TULP4: variants seen among roughly 807,000 people sequenced by gnomAD.
TULP4 encodes tubby-related protein 4.
In TULP4, 16 loss-of-function variants were observed where a neutral mutation model predicts 129.0. The ratio of observed to expected loss-of-function variants is 0.12; its 90% CI spans 0.08 to 0.19. The LOEUF (loss-of-function observed/expected upper bound fraction) is 0.19. TULP4 is among the 10% of genes least tolerant of loss of function. The pLI is 1.00. For missense variants in TULP4, 1,842 were observed against 2,059.1 expected (o/e 0.89, Z 2.04); for synonymous variants, 998 against 854.0 (o/e 1.17, Z -2.94).
At chr6:158,483,972 G>T (rs1286397705) in intron 8 of TULP4, among the ~76,000 whole-genome samples, 2 of 150,436 alleles carry the variant, frequency 1.3e-5, no homozygotes, top group Admixed American at 6.6e-5. Flanking sequence ...AGGCTGGAGT[G>T]CAGTAGTACA....
intron 1 of TULP4, among the ~76,000 whole-genome samples, chr6:158,245,397 A>C (rs900236496): frequency 1.3e-5 from 2 of 151,448 alleles, no homozygotes; most frequent in African/African-American, 4.9e-5. Flanking sequence ...TGCTGATCTT[A>C]TTATTTGGGC....
chr6:158,382,912 A>C (rs986441045), intron 1 of TULP4, among the ~76,000 whole-genome samples: 2 of 152,244 alleles, frequency 1.3e-5, no homozygotes, highest in Admixed American at 6.5e-5. Flanking sequence ...AACTGAGTCA[A>C]ATATCATAAT....
intron 1 of TULP4, chr6:158,241,755 C>T (rs1168002825): frequency 7.0e-6 from 3 of 429,720 alleles, no homozygotes; most frequent in Non-Finnish European, 1.3e-5. Flanking sequence ...CCATCACGCC[C>T]AGCTAATTTT....
In TULP4 at chr6:158,331,454, G is replaced by A. The variant is rs141962691; in HGVS notation, c.252+17186G>A. 5.3e-5 allele frequency among the ~76,000 whole-genome samples: 8 copies of A among 151,990 alleles called. No homozygotes were observed. In the East Asian group the frequency reaches 7.8e-4, roughly 15 times the overall value. The stretch of plus-strand genomic sequence containing the variant: ...AGCAGGAGCCCCTTTAGGTTGGCTC[G>A]TGTCCTTTTGGTGCACCCCAGTCAC... On this transcript the variant is annotated intron_variant, in intron 1 of 13. Coordinates refer to ENST00000367097, the MANE Select transcript of TULP4 (RefSeq NM_020245.5).
chr6:158,463,311 CCTTT>C (rs928489782), intron 6 of TULP4, among the ~76,000 whole-genome samples: 17 of 152,042 alleles, frequency 1.1e-4, no homozygotes, highest in Non-Finnish European at 1.5e-4. Flanking sequence ...AGATGGGCCC[CCTTT>C]CTATTTGTTT....
At chr6:158,341,230 C>T (rs941741774) in intron 1 of TULP4, among the ~76,000 whole-genome samples, 4 of 152,090 alleles carry the variant, frequency 2.6e-5, no homozygotes, top group African/African-American at 9.7e-5. Flanking sequence ...AACATAATGT[C>T]CTCCAGTTCC....
upstream of TULP4, chr6:158,312,452 G>A (rs1055375405): frequency 4.4e-6 from 1 of 227,116 alleles, no homozygotes; most frequent in Non-Finnish European, 8.5e-6. Flanking sequence ...GACTGAGAAA[G>A]AAGTGTGATT....
At chr6:158,464,240 A>C (rs1277492811) in intron 6 of TULP4, among the ~76,000 whole-genome samples, 1 of 152,200 alleles carries the variant, frequency 6.6e-6, no homozygotes, top group Non-Finnish European at 1.5e-5. Context: ...GGGAGACAGA[A>C]GTTACAGACA....
At chr6:158,253,210 A>C (rs1268758308) in intron 1 of TULP4, among the ~76,000 whole-genome samples, 1 of 152,212 alleles carries the variant, frequency 6.6e-6, no homozygotes. Flanking sequence ...GCTGATTTTT[A>C]AGTCTAGGAG....
chr6:158,480,798 G>T (rs1779924535), intron 7 of TULP4, among the ~76,000 whole-genome samples: 5 of 152,076 alleles, frequency 3.3e-5, no homozygotes, highest in South Asian at 2.1e-4. Context: ...GGCTGCCCCT[G>T]TGGATCCTGA....
intron 1 of TULP4, among the ~76,000 whole-genome samples, chr6:158,407,362 T>C (rs1202203734): frequency 6.6e-6 from 1 of 152,198 alleles, no homozygotes; most frequent in Non-Finnish European, 1.5e-5. Context: ...AGACAGGCAA[T>C]AGCAAGTATT....
chr6:158,238,898 A>G (rs1777782200), intron 1 of TULP4, among the ~76,000 whole-genome samples: 1 of 108,006 alleles, frequency 9.3e-6, no homozygotes, highest in African/African-American at 3.1e-5. Context: ...TCTATTCCAC[A>G]AAGCCGCCAT....
At chr6:158,391,928 G>C (rs1388688156) in intron 1 of TULP4, among the ~76,000 whole-genome samples, 2 of 152,160 alleles carry the variant, frequency 1.3e-5, no homozygotes, top group African/African-American at 4.8e-5. Flanking sequence ...TTAGTGCCTG[G>C]AATGTGGCAG....
In TULP4 at chr6:158,449,017, G is replaced by A. The variant is rs1330081267; in HGVS notation, c.565G>A (p.Gly189Arg). ...DQQVLFGTAD[G>R]QVIVMDCHGR... ...GCAGGTGCTGTTTGGCACGGCCGAT[G>A]GGCAGGTGATTGTCATGGATTGCCA... The change falls in exon 4 of 14, where the codon GGG becomes AGG. Residue 189 changes from glycine (G) to arginine (R), a missense_variant. Gly to Arg is a moderately radical substitution (Grantham distance 125). Around this residue, in one of 5 missense-constraint regions of TULP4, gnomAD observed 151 missense variants for 268.7 expected, o/e 0.56. Coordinates refer to ENST00000367097, the MANE Select transcript of TULP4 (RefSeq NM_020245.5). 1 of 1,612,778 alleles carries A rather than the reference G, an allele frequency of 6.2e-7. No homozygotes were observed. The highest frequency in any genetic ancestry group is 1.1e-5 in the South Asian group (1 of 90,868).
chr6:158,278,941 G>GTT (rs35915892), upstream of TULP4, among the ~76,000 whole-genome samples: 1 of 123,418 alleles, frequency 8.1e-6, no homozygotes, highest in East Asian at 2.2e-4. Context: ...GTTTTTTTTT[G>GTT]TTTTTTTTTT....
intron 1 of TULP4, among the ~76,000 whole-genome samples, chr6:158,375,937 T>C (rs1339713911): frequency 6.6e-6 from 1 of 152,170 alleles, no homozygotes; most frequent in East Asian, 1.9e-4. Context: ...TTGATGGAAG[T>C]GAGGAGACAG....
At chr6:158,302,401 G>T (rs1310742931) in intron 1 of TULP4, among the ~76,000 whole-genome samples, 1 of 152,210 alleles carries the variant, frequency 6.6e-6, no homozygotes, top group Admixed American at 6.5e-5. Context: ...ATCCTGGGTT[G>T]GACAGCTCCC....
At chr6:158,283,901 G>T (rs541001178) in intron 1 of TULP4, among the ~76,000 whole-genome samples, 1 of 152,212 alleles carries the variant, frequency 6.6e-6, no homozygotes, top group African/African-American at 2.4e-5. Flanking sequence ...GACGGCTTAT[G>T]TAGTTTCTGC....
intron 1 of TULP4, among the ~76,000 whole-genome samples, chr6:158,338,742 A>G (rs1266820259): frequency 6.6e-6 from 1 of 152,216 alleles, no homozygotes; most frequent in African/African-American, 2.4e-5. Flanking sequence ...AGCCAGGACC[A>G]GAGAGGGACC....
Sources: gnomAD v4.1 joint callset for allele counts (sites outside exome capture counted in the v4.1 genomes callset) on GRCh38, gnomAD v4.1.1 for gene constraint, gnomAD v4.1.1 regional missense constraint, MANE v1.5 for transcripts, NCBI Gene and HGNC (gene_info 2026-07-23, HGNC 2026-07-21) for gene names.